The following RNF182 variants were observed in gnomAD, a reference collection of about 807,000 sequenced individuals.
The protein encoded by RNF182 is ring finger protein 182.
In RNF182, 15 loss-of-function variants were observed where a neutral mutation model predicts 14.4. The observed-to-expected ratio is 1.04, with a 90% confidence interval of 0.70 to 1.60. The LOEUF is 1.60. Among genes scored for constraint, RNF182 ranks in the 40% most tolerant of loss-of-function variants. The pLI is 0.00. For missense variants in RNF182, 268 were observed against 294.8 expected, an observed-to-expected ratio of 0.91 and a Z score of 0.67; for synonymous variants, 128 against 122.9, an observed-to-expected ratio of 1.04 and a Z score of -0.27.
At chr6:13,950,873 T>C (rs1258339664) in intron 1 of RNF182, among the ~76,000 whole-genome samples, 4 of 152,108 alleles carry the variant, frequency 2.6e-5, no homozygotes, top group African/African-American at 9.7e-5. Context: ...CTCAGCTCAC[T>C]GCAATCTCTG....
chr6:13,930,861 G>T (rs1215309748), intron 1 of RNF182, among the ~76,000 whole-genome samples: 1 of 152,194 alleles, frequency 6.6e-6, no homozygotes, highest in Non-Finnish European at 1.5e-5. Context: ...ATCCAAGATT[G>T]TACAGAGTTG....
Position 13,947,040 on chromosome 6 carries a change from A to G in RNF182, c.-367+22017A>G, listed in dbSNP as rs535387874. ...ATATATTCTACAACTGTAAAGCGAA[A>G]TCAGTAAAATTGTCTAAAATTAAAT... On this transcript the variant is annotated intron_variant, in intron 1 of 2. Transcript: ENST00000488300. Among the ~76,000 whole-genome samples the G allele has an allele frequency of 1.2e-4, 14 of 112,300 alleles. No homozygotes were observed. The East Asian group carries it at 3.4e-3, about 27-fold the overall frequency. The allele number at this position is 112,300 out of a possible 152,430, so 73.7% of individuals were successfully genotyped here.
At chr6:13,932,884 G>A (rs9475801) in intron 1 of RNF182, among the ~76,000 whole-genome samples, 48,077 of 152,002 alleles carry the variant, frequency 0.32, 8,235 homozygotes, top group East Asian at 0.61. Flanking sequence ...AACCTTCTCT[G>A]GATTGGAGTT....
chr6:13,958,812 A>T (rs921951462), intron 1 of RNF182, among the ~76,000 whole-genome samples: 7 of 152,250 alleles, frequency 4.6e-5, no homozygotes, highest in Non-Finnish European at 8.8e-5. Context: ...TGAGGACTTC[A>T]TATTGAGATC....
At chr6:13,972,876 C>T (rs1297407161) in intron 1 of RNF182, among the ~76,000 whole-genome samples, 1 of 152,202 alleles carries the variant, frequency 6.6e-6, no homozygotes, top group East Asian at 1.9e-4. Context: ...ACACTGAGTC[C>T]CCACTGGGGC....
In RNF182 at chr6:13,977,514, C is replaced by A. The variant is rs751355241; in HGVS notation, c.395C>A (p.Thr132Asn). 6.2e-7 allele frequency: 1 copy of A among 1,614,182 alleles called. No homozygotes were observed. Among genetic ancestry groups the A allele is most frequent in the Non-Finnish European group, 8.5e-7 (1 of 1,180,030 alleles). The change falls in exon 3 of 3, where the codon ACC becomes AAC. Residue 132 changes from threonine to asparagine, a missense_variant. By Grantham distance (65) the Thr-to-Asn change is moderately conservative. Transcript: ENST00000488300. Reference sequence around the variant, plus strand: ...ACGTCCTCCAACTGCCTGGTCATAACCATCATGGAGGTGCAGAGAGAGAGC... The same window carrying A: ...ACGTCCTCCAACTGCCTGGTCATAAACATCATGGAGGTGCAGAGAGAGAGC... The part of the protein sequence containing the change: ...SHTSSNCLVI[T>N]IMEVQRESSP...
upstream of RNF182, chr6:13,924,889 G>GC (rs1362986168): frequency 7.0e-6 from 1 of 142,808 alleles, no homozygotes; most frequent in Non-Finnish European, 1.5e-5. Flanking sequence ...GCGGCTCAGC[G>GC]CCGTAGAGAC....
chr6:13,958,661 A>G (rs1759789279), intron 1 of RNF182, among the ~76,000 whole-genome samples: 1 of 152,316 alleles, frequency 6.6e-6, no homozygotes, highest in South Asian at 2.1e-4. Flanking sequence ...CTTATAATTT[A>G]CATTTTAGTA....
At chr6:13,926,674 C>T (rs554490145) in intron 1 of RNF182, among the ~76,000 whole-genome samples, 2 of 152,228 alleles carry the variant, frequency 1.3e-5, no homozygotes, top group East Asian at 1.9e-4. Context: ...TATTTTCTCA[C>T]TTAAGCATGA....
At chr6:13,953,658 A>G (rs899523086) in intron 1 of RNF182, among the ~76,000 whole-genome samples, 1 of 152,180 alleles carries the variant, frequency 6.6e-6, no homozygotes, top group African/African-American at 2.4e-5. Context: ...GACAATCAGG[A>G]GAGATTAGCC....
At chr6:13,924,796 G>A, upstream of RNF182, 1 of 151,762 alleles carries the variant, frequency 6.6e-6, no homozygotes, top group Non-Finnish European at 1.5e-5. Flanking sequence ...GCCCATCGGG[G>A]GTCCTTGTCC....
chr6:13,970,878 A>G (rs1760156695), intron 1 of RNF182, among the ~76,000 whole-genome samples: 1 of 152,194 alleles, frequency 6.6e-6, no homozygotes, highest in South Asian at 2.1e-4. Context: ...CTGTATCTAT[A>G]AAAATAGCCA....
At chr6:13,949,401 G>A in intron 1 of RNF182, 1 of 746,430 alleles carries the variant, frequency 1.3e-6, no homozygotes, top group Admixed American at 1.8e-5. Flanking sequence ...ACACAAAAAG[G>A]CAAGAGAAAG....
intron 1 of RNF182, among the ~76,000 whole-genome samples, chr6:13,933,387 G>A (rs1759024990): frequency 1.3e-5 from 2 of 151,818 alleles, no homozygotes; most frequent in African/African-American, 2.4e-5. Context: ...ATGGTGGTAC[G>A]CACGTGTAGT....
intron 1 of RNF182, among the ~76,000 whole-genome samples, chr6:13,926,726 A>G (rs1278824650): frequency 6.6e-6 from 1 of 152,144 alleles, no homozygotes; most frequent in Non-Finnish European, 1.5e-5. Context: ...TTATATAGAC[A>G]GAGAATGTAG....
At chr6:13,966,960 C>T (rs1246604977) in intron 1 of RNF182, among the ~76,000 whole-genome samples, 1 of 152,056 alleles carries the variant, frequency 6.6e-6, no homozygotes, top group African/African-American at 2.4e-5. Context: ...TCTCAGCCTT[C>T]TGAGTAGCTG....
At chr6:13,954,383 C>T (rs1367331790) in intron 1 of RNF182, among the ~76,000 whole-genome samples, 2 of 152,118 alleles carry the variant, frequency 1.3e-5, no homozygotes, top group Non-Finnish European at 2.9e-5. Context: ...AATTAGAATC[C>T]AAACAAGGAC....
At chr6:13,936,914 T>C (rs1484025842) in intron 1 of RNF182, among the ~76,000 whole-genome samples, 1 of 150,842 alleles carries the variant, frequency 6.6e-6, no homozygotes, top group African/African-American at 2.4e-5. Flanking sequence ...TTTTGGAGAG[T>C]AAAAAGAATT....
Position 13,949,854 on chromosome 6 carries a change from C to T in RNF182, c.-366-24356C>T, listed in dbSNP as rs539782661. On this transcript the variant is annotated intron_variant, in intron 1 of 2. Coordinates refer to ENST00000488300, the MANE Select transcript of RNF182 (RefSeq NM_152737.4). ...TTTTGCTGAAGAGTAGATCAGTGCT[C>T]TAAGAAAACCCTGTTGTGCATTTTT... is the stretch of plus-strand genomic sequence containing the variant. Among the ~76,000 whole-genome samples the T allele has an allele frequency of 2.6e-5, 4 of 152,202 alleles. No individual in the cohort carries two copies. In the South Asian group the frequency reaches 8.3e-4, roughly 32 times the overall value.
Sources: gnomAD v4.1 joint callset for allele counts (sites outside exome capture counted in the v4.1 genomes callset) on GRCh38, gnomAD v4.1.1 for gene constraint, MANE v1.5 for transcripts, NCBI Gene and HGNC (gene_info 2026-07-23, HGNC 2026-07-21) for gene names.